DCHS2: variants seen among roughly 807,000 people sequenced by gnomAD.
The protein encoded by DCHS2 is protocadherin-23.
DCHS2 carries 142 observed loss-of-function variants against 182.4 expected under a neutral mutation model. That is an observed-to-expected ratio of 0.78 (90% CI 0.68 to 0.89). The LOEUF is 0.89. Ranked by LOEUF, DCHS2 falls within the 40% of genes least tolerant of loss-of-function variation. The pLI is 0.00. For missense variants in DCHS2, 4,319 were observed against 4,198.6 expected, an observed-to-expected ratio of 1.03 and a Z score of -0.79; for synonymous variants, 1,740 against 1,663.3, an observed-to-expected ratio of 1.05 and a Z score of -1.12.
At chr4:154,322,243 A>G in intron 8 of DCHS2, 88 bp downstream of exon 8, 1 of 1,469,616 alleles carries the variant, frequency 6.8e-7, no homozygotes, top group Non-Finnish European at 9.4e-7. Flanking sequence ...ATACATACAT[A>G]TTACATGTAT....
At chr4:154,266,688 T>G (rs564030736) in intron 14 of DCHS2, among the ~76,000 whole-genome samples, 2 of 152,142 alleles carry the variant, frequency 1.3e-5, no homozygotes, top group African/African-American at 4.8e-5. Context: ...TTGTCAGTTT[T>G]TAATCAAAGT....
At chr4:154,411,588 T>C (rs1038136195) in intron 1 of DCHS2, among the ~76,000 whole-genome samples, 3 of 150,814 alleles carry the variant, frequency 2.0e-5, no homozygotes, top group African/African-American at 4.9e-5. Flanking sequence ...AGAGACTCCC[T>C]CTCAAAAAAA....
chr4:154,487,069 G>A (rs1407986778), intron 1 of DCHS2, among the ~76,000 whole-genome samples: 1 of 152,068 alleles, frequency 6.6e-6, no homozygotes, highest in Non-Finnish European at 1.5e-5. Context: ...CTAAAGACAG[G>A]CTTTCATCAA....
At chr4:154,424,146 T>A (rs1233639275) in intron 1 of DCHS2, among the ~76,000 whole-genome samples, 1 of 152,110 alleles carries the variant, frequency 6.6e-6, no homozygotes, top group Non-Finnish European at 1.5e-5. Context: ...CTGACTTATG[T>A]GCACAAACAA....
intron 13 of DCHS2, among the ~76,000 whole-genome samples, chr4:154,294,734 G>A (rs894315405): frequency 5.3e-5 from 8 of 152,272 alleles, no homozygotes; most frequent in African/African-American, 1.7e-4. Flanking sequence ...CTTGACAGAG[G>A]TGTTAAAACA....
At chr4:154,471,567 A>G (rs1735469398) in intron 1 of DCHS2, among the ~76,000 whole-genome samples, 1 of 152,116 alleles carries the variant, frequency 6.6e-6, no homozygotes, top group Non-Finnish European at 1.5e-5. Flanking sequence ...CAGTTAATAA[A>G]TCCAGGGTTG....
intron 13 of DCHS2, among the ~76,000 whole-genome samples, chr4:154,285,690 T>C (rs1377886620): frequency 6.6e-6 from 1 of 152,164 alleles, no homozygotes; most frequent in Non-Finnish European, 1.5e-5. Context: ...ACTTTTGTCT[T>C]GTGGCTTGGG....
intron 4 of DCHS2, chr4:154,333,777 T>C (rs894945298): frequency 2.5e-6 from 1 of 407,820 alleles, no homozygotes; most frequent in African/African-American, 2.0e-5. Context: ...GACTGTAACA[T>C]TTAGCCTAGG....
chr4:154,273,386 C>T (rs1347752234), intron 13 of DCHS2, among the ~76,000 whole-genome samples: 2 of 151,956 alleles, frequency 1.3e-5, no homozygotes, highest in East Asian at 1.9e-4. Context: ...TATTCTCATT[C>T]GTATGTGGGA....
chr4:154,472,994 A>G (rs73854797), intron 1 of DCHS2, among the ~76,000 whole-genome samples: 2,469 of 152,306 alleles, frequency 0.016, 41 homozygotes, highest in South Asian at 0.072. Context: ...AGGGGAAGCA[A>G]CACAGTGCCT....
intron 1 of DCHS2, among the ~76,000 whole-genome samples, chr4:154,419,637 C>T (rs375402677): frequency 2.8e-4 from 12 of 43,074 alleles, no homozygotes; most frequent in East Asian, 1.1e-3. Flanking sequence ...GCAAAAGAAA[C>T]GAAACTCCAT....
intron 7 of DCHS2, among the ~76,000 whole-genome samples, chr4:154,324,546 A>G (rs1367918929): frequency 6.6e-6 from 1 of 151,902 alleles, no homozygotes; most frequent in Non-Finnish European, 1.5e-5. Context: ...TGATGCTTAT[A>G]ATTTAGATTG....
At chr4:154,379,297 G>A (rs1049612788) in intron 1 of DCHS2, among the ~76,000 whole-genome samples, 10 of 152,124 alleles carry the variant, frequency 6.6e-5, no homozygotes, top group African/African-American at 2.2e-4. Flanking sequence ...TAACTTCTTT[G>A]GCCCAGAAGC....
At chr4:154,378,556 G>GGAAGGAAA (rs1731030928) in intron 1 of DCHS2, among the ~76,000 whole-genome samples, 2 of 150,572 alleles carry the variant, frequency 1.3e-5, no homozygotes, top group East Asian at 2.0e-4. Context: ...AAGGAAGGAA[G>GGAAGGAAA]GAAGGAAGGT....
rs984392285 is a variant in DCHS2 at position 154,332,943 on chromosome 4, A to C, written c.3265T>G (p.Tyr1089Asp). The change falls in exon 5 of 20, where the codon TAT becomes GAT. Residue 1089 changes from tyrosine (Y) to aspartate (D), a missense_variant. Tyr to Asp is a radical substitution (Grantham distance 160). Transcript: ENST00000357232. ...AGAGACTCACTGACTTCCACTTGAT[A>C]GACCAAATGTTCGAAAGTCCAGGAT... Reference protein sequence around the residue: ...SPSWTFEHLVYQVEVSESLSP... With the variant: ...SPSWTFEHLVDQVEVSESLSP... 1.9e-6 allele frequency: 3 copies of C among 1,614,098 alleles called. No individual in the cohort carries two copies. The African/African-American group carries it at 4.0e-5, about 22-fold the overall frequency.
chr4:154,280,606 G>A (rs1246680612), intron 13 of DCHS2, among the ~76,000 whole-genome samples: 2 of 151,602 alleles, frequency 1.3e-5, no homozygotes, highest in Non-Finnish European at 2.9e-5. Context: ...CACATCAACA[G>A]AACAAAAAAT....
chr4:154,257,171 C>T (rs1341914619), intron 15 of DCHS2, among the ~76,000 whole-genome samples: 4 of 152,134 alleles, frequency 2.6e-5, no homozygotes, highest in Non-Finnish European at 4.4e-5. Flanking sequence ...TTGCTTGTAC[C>T]TGGGAGGCGG....
At chr4:154,295,169 A>G (rs894537855) in intron 13 of DCHS2, among the ~76,000 whole-genome samples, 3 of 152,254 alleles carry the variant, frequency 2.0e-5, no homozygotes, top group Non-Finnish European at 4.4e-5. Flanking sequence ...TGAGGGCCAG[A>G]TGTGGGACTT....
At chr4:154,430,475 T>A (rs10030235) in intron 1 of DCHS2, among the ~76,000 whole-genome samples, 1 of 152,096 alleles carries the variant, frequency 6.6e-6, no homozygotes, top group South Asian at 2.1e-4. Context: ...CAAGGCAGGA[T>A]AAAATTAAAA....
Sources: gnomAD v4.1 joint callset for allele counts (sites outside exome capture counted in the v4.1 genomes callset) on GRCh38, gnomAD v4.1.1 for gene constraint, MANE v1.5 for transcripts, NCBI Gene and HGNC (gene_info 2026-07-23, HGNC 2026-07-21) for gene names.